Variants in ZNF708 observed in about 807,000 individuals in gnomAD.
ZNF708 encodes zinc finger protein 708.
ZNF708 carries 44 observed loss-of-function variants against 47.0 expected under a neutral mutation model. That is an observed-to-expected ratio of 0.94 (90% confidence interval 0.74 to 1.20). The LOEUF is 1.20. Among genes scored for constraint, ZNF708 ranks in the 50% most tolerant of loss-of-function variants. The pLI, the probability that ZNF708 is intolerant of heterozygous loss-of-function variation, is 0.00. For missense variants in ZNF708, 557 were observed against 656.0 expected, an observed-to-expected ratio of 0.85 and a Z score of 1.65; for synonymous variants, 184 against 218.5, an observed-to-expected ratio of 0.84 and a Z score of 1.39.
At chr19:21,322,969 T>C (rs1973182647) in intron 1 of ZNF708, among the ~76,000 whole-genome samples, 1 of 151,942 alleles carries the variant, frequency 6.6e-6, no homozygotes, top group Non-Finnish European at 1.5e-5. Flanking sequence ...ATAACCTTTT[T>C]CAAGTTCAAT....
chr19:21,327,210 A>C (rs950518272), intron 1 of ZNF708, among the ~76,000 whole-genome samples: 2 of 152,090 alleles, frequency 1.3e-5, no homozygotes, highest in Non-Finnish European at 2.9e-5. Context: ...TGACAAACCC[A>C]GGGAGTGGTA....
chr19:21,307,128 A>C (rs866672510), intron 3 of ZNF708, among the ~76,000 whole-genome samples: 2 of 145,432 alleles, frequency 1.4e-5, no homozygotes, highest in East Asian at 2.0e-4. Context: ...ATATAAAATA[A>C]AAAATAAAAT....
intron 3 of ZNF708, among the ~76,000 whole-genome samples, chr19:21,299,704 C>T (rs1972614777): frequency 1.3e-5 from 2 of 149,142 alleles, no homozygotes; most frequent in African/African-American, 2.5e-5. Context: ...ACCCAGGAGG[C>T]GGAGGTTGCA....
At chr19:21,305,403 C>T (rs1466048282) in intron 3 of ZNF708, among the ~76,000 whole-genome samples, 1 of 151,850 alleles carries the variant, frequency 6.6e-6, no homozygotes, top group Admixed American at 6.6e-5. Context: ...AATATAATCT[C>T]TATAAAAACC....
chr19:21,316,133 CT>C (rs544312163), intron 1 of ZNF708, among the ~76,000 whole-genome samples: 16,060 of 105,004 alleles, frequency 0.15, 817 homozygotes, highest in Non-Finnish European at 0.19. Context: ...TTTCTTTTTT[CT>C]TTTTTTTTTT....
intron 3 of ZNF708, among the ~76,000 whole-genome samples, chr19:21,302,858 A>G (rs1401747465): frequency 6.6e-6 from 1 of 152,136 alleles, no homozygotes; most frequent in East Asian, 1.9e-4. Context: ...AAATAAAAGC[A>G]GCACAACAAG....
intron 1 of ZNF708, among the ~76,000 whole-genome samples, chr19:21,320,806 T>C (rs1318502167): frequency 6.8e-6 from 1 of 146,590 alleles, no homozygotes; most frequent in Non-Finnish European, 1.5e-5. Flanking sequence ...TTATATCCTG[T>C]GCAGCAACAT....
chr19:21,297,244 G>GTACATATATATATATATATA (rs1972544358), intron 3 of ZNF708, among the ~76,000 whole-genome samples: 1 of 11,972 alleles, frequency 8.4e-5, no homozygotes, highest in Non-Finnish European at 2.1e-4. Flanking sequence ...TGCAAATAAG[G>GTACATATATATATATATATA]TATATATATA....
chr19:21,309,601 G>A (rs772437432), intron 2 of ZNF708, among the ~76,000 whole-genome samples: 30 of 152,164 alleles, frequency 2.0e-4, no homozygotes, highest in South Asian at 4.1e-4. Context: ...CTAGCTACTC[G>A]GGAGGCTGAG....
chr19:21,312,293 CA>C (rs11330288), intron 1 of ZNF708, among the ~76,000 whole-genome samples: 139,578 of 147,812 alleles, frequency 0.94, 66,100 homozygotes, highest in Middle Eastern at 0.99. Flanking sequence ...CACTCCATCT[CA>C]AAAAAAAAAA....
intron 1 of ZNF708, chr19:21,318,703 T>G (rs970713427): frequency 6.6e-6 from 1 of 152,210 alleles, no homozygotes; most frequent in African/African-American, 2.4e-5. Context: ...AACTGACAAT[T>G]CACCAGCACT....
At chr19:21,308,145 A>C (rs1396635617) in intron 3 of ZNF708, among the ~76,000 whole-genome samples, 7 of 152,200 alleles carry the variant, frequency 4.6e-5, no homozygotes, top group Admixed American at 4.6e-4. Flanking sequence ...GGATTTAAAG[A>C]ATAAATATTG....
chr19:21,310,758 A>G, intron 1 of ZNF708, 131 bp from the exon 2 acceptor site: 1 of 672,172 alleles, frequency 1.5e-6, no homozygotes, highest in East Asian at 4.0e-5. Context: ...TTATCCAATA[A>G]AATAATTTTC....
Position 21,329,382 on chromosome 19 carries a change from C to G in ZNF708, c.-170G>C, listed in dbSNP as rs574945203. On this transcript the variant is annotated 5_prime_UTR_variant, in exon 1 of 4. Coordinates refer to ENST00000356929, the MANE Select transcript of ZNF708 (RefSeq NM_021269.3). ...AAGGCCGCGCCAAACCCGGAAGCCG[C>G]CCTGTCCGGTCCAGCTGCGTGTCTG... 6.8e-6 allele frequency: 7 copies of G among 1,024,500 alleles called. No homozygotes were observed. The South Asian group carries it at 8.3e-5, about 12-fold the overall frequency. The allele number at this position is 1,024,500 out of a possible 1,614,324, so 63.5% of individuals were successfully genotyped here.
Position 21,291,273 on chromosome 19 carries a change from T to C in ZNF708, c.*2001A>G, listed in dbSNP as rs1972387261. 3.3e-5 allele frequency: 5 copies of C among 152,312 alleles called. 1 individual carries two copies. The South Asian group carries it at 1.0e-3, about 32-fold the overall frequency. The allele number at this position is 152,312 out of a possible 1,614,324, so 9.4% of individuals were successfully genotyped here. On this transcript the variant is annotated 3_prime_UTR_variant, in exon 4 of 4. Coordinates refer to ENST00000356929, the MANE Select transcript of ZNF708 (RefSeq NM_021269.3). The stretch of plus-strand genomic sequence containing the variant: ...ATGTTCTTACTATAATGCAAAAGAA[T>C]ATTACTCTAAACACCTACCTCATGC...
intron 1 of ZNF708, chr19:21,327,899 C>T: frequency 9.9e-6 from 6 of 608,452 alleles, no homozygotes; most frequent in Non-Finnish European, 1.3e-5. Flanking sequence ...AAGAGTATGC[C>T]AGGAGATGCC....
Position 21,293,562 on chromosome 19 carries a change from T to A in ZNF708, c.1404A>T (p.Lys468Asn). 6.2e-7 allele frequency: 1 copy of A among 1,613,126 alleles called. No homozygotes were observed. Among genetic ancestry groups the A allele is most frequent in the Non-Finnish European group, 8.5e-7 (1 of 1,179,730 alleles). The change falls in exon 4 of 4, where the codon AAA (lysine) becomes AAT (asparagine). Residue 468 changes from lysine (K) to asparagine (N), a missense_variant. Coordinates refer to ENST00000356929, the MANE Select transcript of ZNF708 (RefSeq NM_021269.3). ...TATAGGGTTTCTCTCCAGTATGAAT[T>A]TTTTTATGATTAGTAAAATTTGAGG... ...NYSSNFTNHK[K>N]IHTGEKPYKC...
Position 21,293,582 on chromosome 19 carries a change from T to C in ZNF708, c.1384A>G (p.Asn462Asp), listed in dbSNP as rs747905139. The stretch of plus-strand genomic sequence containing the variant: ...TGAATTTTTTTATGATTAGTAAAAT[T>C]TGAGGAGTAGTTAAAAGTTTTGCCA... ...ECGKTFNYSSNFTNHKKIHTG... is the reference protein window; with the variant it reads ...ECGKTFNYSSDFTNHKKIHTG... Residue 462 changes from asparagine (N) to aspartate (D), a missense_variant, in exon 4 of 4, where the codon AAT becomes GAT. Transcript: ENST00000356929. 4 of 1,612,642 alleles carry C rather than the reference T, an allele frequency of 2.5e-6. No homozygotes were observed. Among genetic ancestry groups the C allele is most frequent in the Non-Finnish European group, 3.4e-6 (4 of 1,179,684 alleles).
At position 21,297,254 on chromosome 19, in the gene ZNF708, ATATATATATATATATATTTTTTTTTTT is replaced by A. The variant is rs1185379563; in HGVS notation, c.227-2542_227-2516del. Among the ~76,000 whole-genome samples, 6 of 13,280 alleles carry A rather than the reference ATATATATATATATATATTTTTTTTTTT, an allele frequency of 4.5e-4. 1 individual carries two copies. The East Asian group carries it at 8.7e-3, about 19-fold the overall frequency. The allele number at this position is 13,280 out of a possible 152,430, so 8.7% of individuals were successfully genotyped here. On this transcript the variant is annotated intron_variant, in intron 3 of 3. Coordinates refer to ENST00000356929, the MANE Select transcript of ZNF708 (RefSeq NM_021269.3). ...TTGTATGCAAATAAGGTATATATAT[ATATATATATATATATATTTTTTTTTTT>A]TTTTTTTTTTTTTTTTTTCAGATGG...
Sources: allele counts gnomAD v4.1 joint callset (sites outside exome capture counted in the v4.1 genomes callset), GRCh38; gene constraint gnomAD v4.1.1; transcripts MANE v1.5; gene names NCBI Gene and HGNC (gene_info 2026-07-23, HGNC 2026-07-21).